Variants in ORC1 observed in about 807,000 individuals in gnomAD.
ORC1 encodes the protein origin recognition complex, subunit 1 homolog.
In ORC1, 61 loss-of-function variants were observed where a neutral mutation model predicts 98.9. The observed-to-expected ratio is 0.62, with a 90% CI of 0.50 to 0.76. The LOEUF is 0.76. Among genes scored for constraint, ORC1 ranks in the 30% least tolerant of loss-of-function variants. The pLI is 0.00. For synonymous variants in ORC1, 385 were observed against 406.9 expected (o/e 0.95, Z 0.65); for missense variants, 979 against 1,072.2 (o/e 0.91, Z 1.21).
At chr1:52,374,457 T>C (rs762647079) in intron 16 of ORC1, among the ~76,000 whole-genome samples, 11 of 152,208 alleles carry the variant, frequency 7.2e-5, no homozygotes, top group Non-Finnish European at 1.5e-4. Context: ...AATTGAACTA[T>C]GCCCATGCAG....
intron 3 of ORC1, among the ~76,000 whole-genome samples, chr1:52,399,809 TCACACACACACA>T (rs111460694): frequency 1.4e-3 from 200 of 146,130 alleles, no homozygotes; most frequent in African/African-American, 4.5e-3. Flanking sequence ...TCTGTCACTG[TCACACACACACA>T]CACACACACA....
At chr1:52,391,446 A>G (rs932851047) in intron 6 of ORC1, among the ~76,000 whole-genome samples, 2 of 152,212 alleles carry the variant, frequency 1.3e-5, no homozygotes, top group African/African-American at 4.8e-5. Flanking sequence ...GGACCTAATG[A>G]TACTAAAAAG....
At chr1:52,378,207 G>C (rs1249834745) in intron 14 of ORC1, among the ~76,000 whole-genome samples, 1 of 152,018 alleles carries the variant, frequency 6.6e-6, no homozygotes, top group Non-Finnish European at 1.5e-5. Context: ...TTAGCTGGGC[G>C]TGGTGGCACA....
At chr1:52,391,808 G>A (rs751948348) in intron 6 of ORC1, among the ~76,000 whole-genome samples, 4 of 151,006 alleles carry the variant, frequency 2.6e-5, no homozygotes, top group Non-Finnish European at 4.4e-5. Flanking sequence ...TGAGGCAGGA[G>A]AATTGCTTGA....
chr1:52,408,484 A>G, upstream of ORC1: 2 of 1,561,920 alleles, frequency 1.3e-6, no homozygotes, highest in Non-Finnish European at 1.8e-6. Flanking sequence ...GAACATGTTT[A>G]TCCACTACTG....
intron 13 of ORC1, among the ~76,000 whole-genome samples, chr1:52,382,873 C>A (rs1465516754): frequency 6.6e-6 from 1 of 151,826 alleles, no homozygotes; most frequent in African/African-American, 2.4e-5. Context: ...AGCCACTGTG[C>A]CCAGCCTAAA....
chr1:52,400,348 G>A (rs949808267), intron 3 of ORC1, among the ~76,000 whole-genome samples: 2 of 152,326 alleles, frequency 1.3e-5, no homozygotes, highest in South Asian at 2.1e-4. Context: ...GTGGGACAGC[G>A]TGAGATTTCA....
rs1447796911 is a variant in ORC1, at chr1:52,390,563, G to A, written c.1083-1242C>T. ...TGTAATCCCAGCACTTTGGGAGGCC[G>A]ACGTGGGTGGACCACCTAAGGTCTG... On this transcript the variant is annotated intron_variant, in intron 6 of 16. Transcript: ENST00000371568. Among the ~76,000 whole-genome samples, 5 of 152,258 alleles carry A rather than the reference G, an allele frequency of 3.3e-5. No individual in the cohort carries two copies. The South Asian group carries it at 6.2e-4, about 19-fold the overall frequency.
upstream of ORC1, chr1:52,404,552 G>A: frequency 1.9e-6 from 1 of 537,346 alleles, no homozygotes; most frequent in Non-Finnish European, 3.3e-6. Flanking sequence ...CCGCTAACAT[G>A]CAGCCGCCAT....
intron 10 of ORC1, 133 bp downstream of exon 10, chr1:52,385,028 T>C: frequency 1.3e-6 from 1 of 770,114 alleles, no homozygotes; most frequent in East Asian, 2.4e-5. Context: ...TCAGAAGCTT[T>C]GGGCTTCAGC....
At chr1:52,402,839 G>A (rs1647784777) in intron 1 of ORC1, among the ~76,000 whole-genome samples, 1 of 152,146 alleles carries the variant, frequency 6.6e-6, no homozygotes, top group Non-Finnish European at 1.5e-5. Flanking sequence ...GGAGGCTGCA[G>A]TGAGCCGAGA....
chr1:52,397,732 C>A lies in ORC1; in HGVS notation c.355G>T (p.Ala119Ser). 6.2e-7 allele frequency: 1 copy of A among 1,614,214 alleles called. No individual in the cohort carries two copies. The highest frequency in any genetic ancestry group is 8.5e-7 in the Non-Finnish European group (1 of 1,180,026). ...AQEIFWYDYPACDSNINAETI... is the reference protein window; with the variant it reads ...AQEIFWYDYPSCDSNINAETI... The stretch of plus-strand genomic sequence containing the variant: ...TCCGCATTAATGTTGCTGTCACAGG[C>A]CGGGTAATCATACCAGAATATTTCC... Residue 119 changes from alanine to serine, a missense_variant, in exon 4 of 17, where the codon GCC becomes TCC. By Grantham distance (99) the Ala-to-Ser change is moderately conservative. Transcript: ENST00000371568.
At chr1:52,399,339 A>C (rs895831020) in intron 3 of ORC1, among the ~76,000 whole-genome samples, 3 of 151,844 alleles carry the variant, frequency 2.0e-5, no homozygotes, top group African/African-American at 7.3e-5. Flanking sequence ...AAATACAAAA[A>C]ATTGTCCAGG....
chr1:52,389,870 G>A (rs1213895484), intron 6 of ORC1, among the ~76,000 whole-genome samples: 1 of 152,104 alleles, frequency 6.6e-6, no homozygotes, highest in Non-Finnish European at 1.5e-5. Context: ...TAAAAAATGA[G>A]TCCTAGCCAG....
At chr1:52,377,433 T>C (rs149094855) in intron 14 of ORC1, among the ~76,000 whole-genome samples, 1,626 of 152,098 alleles carry the variant, frequency 0.011, 23 homozygotes, top group African/African-American at 0.036. Context: ...TGCCATCGCA[T>C]TGGGCTAATT....
In ORC1 at chr1:52,373,284, G is replaced by C. The variant is rs781559609; in HGVS notation, c.2483C>G (p.Ser828Cys). The change falls in exon 17 of 17, where the codon TCC becomes TGC. Residue 828 changes from serine (S) to cysteine (C), a missense_variant. Ser to Cys is a moderately radical substitution (Grantham distance 112). Transcript: ENST00000371568. ...GGGCTCCACAAGCAGGAGGCGACAG[G>C]AGCCCAGGTGAGAACACACGGCCAT... ...ETMAVCSHLGSCRLLLVEPSR... is the reference protein window; with the variant it reads ...ETMAVCSHLGCCRLLLVEPSR... 1 of 1,614,212 alleles carries C rather than the reference G, an allele frequency of 6.2e-7. No individual in the cohort carries two copies.
chr1:52,378,037 T>C (rs1434456424), intron 14 of ORC1, among the ~76,000 whole-genome samples: 1 of 152,132 alleles, frequency 6.6e-6, no homozygotes, highest in African/African-American at 2.4e-5. Context: ...GGATGTCTTC[T>C]GAATCTTTGT....
chr1:52,404,015 C>T (rs1211626491), intron 1 of ORC1, among the ~76,000 whole-genome samples: 2 of 152,238 alleles, frequency 1.3e-5, no homozygotes, highest in African/African-American at 4.8e-5. Flanking sequence ...TGGCTTCCGC[C>T]TTCCCCCCTG....
Position 52,373,011 on chromosome 1 carries a change from A to T in ORC1, c.*170T>A. ...GCTGGGCATGGTGGCATGTGCCTGTAGTTTCAGCCACCTGGGAGGATGAGG... is the reference window on the plus strand; with the variant it reads ...GCTGGGCATGGTGGCATGTGCCTGTTGTTTCAGCCACCTGGGAGGATGAGG... On this transcript the variant is annotated 3_prime_UTR_variant, in exon 17 of 17. Transcript: ENST00000371568. 1.4e-6 allele frequency: 1 copy of T among 727,992 alleles called. No individual in the cohort carries two copies. Among genetic ancestry groups the T allele is most frequent in the East Asian group, 2.6e-5 (1 of 38,786 alleles). The allele number at this position is 727,992 out of a possible 1,614,324, so 45.1% of individuals were successfully genotyped here.
Sources: allele counts gnomAD v4.1 joint callset (sites outside exome capture counted in the v4.1 genomes callset), GRCh38; gene constraint gnomAD v4.1.1; transcripts MANE v1.5; gene names NCBI Gene and HGNC (gene_info 2026-07-23, HGNC 2026-07-21).